SDCBP: variants seen among roughly 807,000 people sequenced by gnomAD.
The protein encoded by SDCBP is syndecan binding protein, also known as syntenin-1.
In SDCBP, 22 loss-of-function variants were observed where a neutral mutation model predicts 30.5. The ratio of observed to expected loss-of-function variants is 0.72; its 90% confidence interval spans 0.52 to 1.03. The LOEUF (loss-of-function observed/expected upper bound fraction) is 1.03, where lower values mean the gene tolerates loss of function less well. Among genes scored for constraint, SDCBP ranks in the 50% least tolerant of loss-of-function variants. The pLI, the probability that SDCBP is intolerant of heterozygous loss-of-function variation, is 0.00. For synonymous variants in SDCBP, 103 were observed against 118.7 expected (o/e 0.87, Z 0.86); for missense variants, 304 against 369.9 (o/e 0.82, Z 1.46).
chr8:58,575,204 CT>C (rs1321957575), intron 4 of SDCBP, among the ~76,000 whole-genome samples: 3 of 152,072 alleles, frequency 2.0e-5, no homozygotes, highest in Non-Finnish European at 4.4e-5. Flanking sequence ...GCAGGATTTC[CT>C]TTTTTTAGTG....
intron 1 of SDCBP, chr8:58,561,002 C>A (rs1398040279): frequency 1.3e-5 from 2 of 152,092 alleles, no homozygotes; most frequent in Admixed American, 1.3e-4. Context: ...GCTGCATGAA[C>A]AAAATGGTAT....
chr8:58,564,893 G>T lies in SDCBP; in HGVS notation c.-15-126G>T. On this transcript the variant is annotated intron_variant, in intron 1 of 8. Transcript: ENST00000260130. Reference sequence around the variant, plus strand: ...CCTATATATTCTTATTTTTTAATATGTTTTGCAATTTAAATGTTTTTTATT... The same window carrying T: ...CCTATATATTCTTATTTTTTAATATTTTTTGCAATTTAAATGTTTTTTATT... 3 of 526,182 alleles carry T rather than the reference G, an allele frequency of 5.7e-6. No individual in the cohort carries two copies. In the South Asian group the frequency reaches 8.3e-5, roughly 15 times the overall value. The allele number at this position is 526,182 out of a possible 1,614,324, so 32.6% of individuals were successfully genotyped here.
At chr8:58,558,564 C>T (rs2129607314) in intron 1 of SDCBP, among the ~76,000 whole-genome samples, 1 of 152,302 alleles carries the variant, frequency 6.6e-6, no homozygotes, top group South Asian at 2.1e-4. Context: ...ATTACAGGCA[C>T]TGCGCCCAGC....
At chr8:58,557,441 TATA>T (rs923407439) in intron 1 of SDCBP, among the ~76,000 whole-genome samples, 2 of 134,944 alleles carry the variant, frequency 1.5e-5, no homozygotes, top group African/African-American at 2.7e-5. Context: ...ATATAATACA[TATA>T]ATACATATTA....
chr8:58,564,153 GC>G (rs1234452930), intron 1 of SDCBP, among the ~76,000 whole-genome samples: 3 of 152,162 alleles, frequency 2.0e-5, no homozygotes, highest in Non-Finnish European at 4.4e-5. Flanking sequence ...TGTTGAAAGA[GC>G]TCAGCTCCAT....
chr8:58,558,807 G>A (rs1438703166), intron 1 of SDCBP, among the ~76,000 whole-genome samples: 1 of 152,160 alleles, frequency 6.6e-6, no homozygotes, highest in South Asian at 2.1e-4. Context: ...GATTGGTGGA[G>A]AAGTCCTGGA....
chr8:58,563,573 A>T (rs185874503), intron 1 of SDCBP, among the ~76,000 whole-genome samples: 1,389 of 127,148 alleles, frequency 0.011, 6 homozygotes, highest in Non-Finnish European at 0.015. Flanking sequence ...AATTAAATTT[A>T]AAAAAAAAAC....
rs780161605 is a variant in SDCBP, at chr8:58,581,696, A to G, written c.853A>G (p.Ser285Gly). 71 of 1,612,220 alleles carry G rather than the reference A, an allele frequency of 4.4e-5. No homozygotes were observed. Among genetic ancestry groups the G allele is most frequent in the Non-Finnish European group, 5.6e-5 (66 of 1,178,672 alleles). Reference protein sequence around the residue: ...FEHIIKRMAPSIMKSLMDHTI... With the variant: ...FEHIIKRMAPGIMKSLMDHTI... ...GTACCTCTCTTGTAGGATGGCACCA[A>G]GCATTATGAAAAGCCTAATGGACCA... The change falls in exon 9 of 9, where the codon AGC becomes GGC. Residue 285 changes from serine (S) to glycine (G), a missense_variant. By Grantham distance (56) the Ser-to-Gly change is moderately conservative. Transcript: ENST00000260130.
intron 4 of SDCBP, among the ~76,000 whole-genome samples, chr8:58,575,008 A>G (rs1350935020): frequency 6.6e-6 from 1 of 152,042 alleles, no homozygotes; most frequent in Non-Finnish European, 1.5e-5. Flanking sequence ...TTTGACCAAC[A>G]TTTTTCTCAT....
At chr8:58,572,168 C>A in intron 3 of SDCBP, 37 bp from the exon 4 acceptor site, 1 of 1,264,286 alleles carries the variant, frequency 7.9e-7, no homozygotes, top group Non-Finnish European at 1.1e-6. Context: ...TTTGTGTATT[C>A]TGTAAGTGCT....
At chr8:58,558,000 T>TTTCCCAGAG (rs1449927646) in intron 1 of SDCBP, among the ~76,000 whole-genome samples, 13 of 152,188 alleles carry the variant, frequency 8.5e-5, no homozygotes, top group African/African-American at 2.9e-4. Context: ...ATTAGAAGGA[T>TTTCCCAGAG]TTCCCAGAGT....
chr8:58,558,532 C>T (rs1804274135), intron 1 of SDCBP, among the ~76,000 whole-genome samples: 1 of 152,190 alleles, frequency 6.6e-6, no homozygotes, highest in Non-Finnish European at 1.5e-5. Context: ...ATCCACCTAC[C>T]TTTTTCTCCC....
chr8:58,566,828 T>C (rs1306776057), intron 2 of SDCBP, among the ~76,000 whole-genome samples: 1 of 152,206 alleles, frequency 6.6e-6, no homozygotes, highest in Non-Finnish European at 1.5e-5. Context: ...ATTACAGCAA[T>C]GAACCAACCA....
At chr8:58,567,574 G>A (rs1040149220) in intron 2 of SDCBP, among the ~76,000 whole-genome samples, 7 of 152,084 alleles carry the variant, frequency 4.6e-5, no homozygotes, top group African/African-American at 1.7e-4. Context: ...TATGTTCTGT[G>A]GATTTTGACA....
Position 58,571,547 on chromosome 8 carries a change from C to T in SDCBP, c.130+582C>T, listed in dbSNP as rs1805025202. On this transcript the variant is annotated intron_variant, in intron 3 of 8. Transcript: ENST00000260130. ...TGTGGCCTGTCATTTTGTCTTACAA[C>T]AGTTTATAACATTGTGCCTCATAGA... 2.0e-5 allele frequency among the ~76,000 whole-genome samples: 3 copies of T among 152,116 alleles called. No individual in the cohort carries two copies. In the South Asian group the frequency reaches 6.2e-4, roughly 31 times the overall value.
At chr8:58,577,694 C>T (rs1318970910) in intron 5 of SDCBP, among the ~76,000 whole-genome samples, 1 of 152,122 alleles carries the variant, frequency 6.6e-6, no homozygotes, top group East Asian at 1.9e-4. Context: ...CAGACGCTTG[C>T]ATTTATTAAA....
chr8:58,581,941 T>G lies in SDCBP; in HGVS notation c.*201T>G. 1.9e-6 allele frequency: 1 copy of G among 520,396 alleles called. No individual in the cohort carries two copies. The highest frequency in any genetic ancestry group is 3.5e-5 in the Admixed American group (1 of 28,732). The allele number at this position is 520,396 out of a possible 1,614,324, so 32.2% of individuals were successfully genotyped here. A position where few individuals can be genotyped will look rare whatever the true frequency, so the allele number is the denominator to read the frequency against. ...CAAAATAGTTGTAGCCTTATCCTGGTTTTACAGATGTGAAACTTTCAAGAG... is the reference window on the plus strand; with the variant it reads ...CAAAATAGTTGTAGCCTTATCCTGGGTTTACAGATGTGAAACTTTCAAGAG... On this transcript the variant is annotated 3_prime_UTR_variant, in exon 9 of 9. Transcript: ENST00000260130.
intron 3 of SDCBP, 64 bp from the exon 4 acceptor site, chr8:58,572,141 A>G: frequency 1.1e-6 from 1 of 941,514 alleles, no homozygotes. Context: ...GAAGCCCATA[A>G]TGAGAGAAGT....
At chr8:58,563,733 C>A (rs550992623) in intron 1 of SDCBP, among the ~76,000 whole-genome samples, 1 of 152,246 alleles carries the variant, frequency 6.6e-6, no homozygotes, top group African/African-American at 2.4e-5. Context: ...ACTGTAAGAG[C>A]AGACTTAATA....
Sources: allele counts gnomAD v4.1 joint callset (sites outside exome capture counted in the v4.1 genomes callset), GRCh38; gene constraint gnomAD v4.1.1; transcripts MANE v1.5; gene names NCBI Gene and HGNC (gene_info 2026-07-23, HGNC 2026-07-21).